The following CRISPLD1 variants were observed in gnomAD, a reference collection of about 807,000 sequenced individuals.
CRISPLD1 encodes the protein cysteine-rich secretory protein LCCL domain-containing 1.
CRISPLD1 carries 60 observed loss-of-function variants against 77.5 expected under a neutral mutation model. The observed-to-expected ratio is 0.77, with a 90% confidence interval of 0.63 to 0.96. The LOEUF (loss-of-function observed/expected upper bound fraction) is 0.96. Ranked by LOEUF, CRISPLD1 falls within the 40% of genes least tolerant of loss-of-function variation. The pLI is 0.00. For missense variants in CRISPLD1, 623 were observed against 615.8 expected (o/e 1.01, Z -0.12); for synonymous variants, 195 against 200.1 (o/e 0.97, Z 0.22).
At chr8:75,021,979 G>T (rs1384159887) in intron 12 of CRISPLD1, among the ~76,000 whole-genome samples, 1 of 152,136 alleles carries the variant, frequency 6.6e-6, no homozygotes, top group Non-Finnish European at 1.5e-5. Context: ...GCTCTCACTA[G>T]TAGATGCTCA....
chr8:75,005,817 C>CTT (rs1204387115), intron 2 of CRISPLD1, among the ~76,000 whole-genome samples: 1 of 152,156 alleles, frequency 6.6e-6, no homozygotes, highest in Non-Finnish European at 1.5e-5. Flanking sequence ...AAAGGTAAGA[C>CTT]TTTAGAGCCT....
intron 10 of CRISPLD1, 54 bp from the exon 11 acceptor site, chr8:75,019,813 ATGC>A: frequency 5.9e-6 from 8 of 1,354,766 alleles, no homozygotes; most frequent in Non-Finnish European, 7.4e-6. Flanking sequence ...ACCAGAAATG[ATGC>A]TGCTGCTGAT....
intron 2 of CRISPLD1, among the ~76,000 whole-genome samples, chr8:75,007,829 G>A (rs1018286596): frequency 6.6e-5 from 10 of 151,520 alleles, no homozygotes; most frequent in African/African-American, 2.4e-4. Flanking sequence ...ACGTGACACC[G>A]TACCAGCTAA....
At chr8:75,003,581 G>C (rs1319595132) in intron 2 of CRISPLD1, among the ~76,000 whole-genome samples, 1 of 151,796 alleles carries the variant, frequency 6.6e-6, no homozygotes. Flanking sequence ...AAATATACTG[G>C]GTTGTGAATA....
intron 2 of CRISPLD1, among the ~76,000 whole-genome samples, chr8:75,010,528 A>G (rs1013758897): frequency 6.6e-6 from 1 of 152,006 alleles, no homozygotes; most frequent in Admixed American, 6.6e-5. Context: ...TCACTTATTA[A>G]TGCTCTGTGT....
chr8:75,014,393 G>T (rs547675469), intron 5 of CRISPLD1, among the ~76,000 whole-genome samples: 26 of 152,142 alleles, frequency 1.7e-4, no homozygotes, highest in African/African-American at 6.3e-4. Context: ...ATTTATTAGA[G>T]ATTAACAGCT....
intron 5 of CRISPLD1, 77 bp downstream of exon 5, chr8:75,014,179 C>G (rs187838164): frequency 1.6e-5 from 15 of 925,954 alleles, no homozygotes; most frequent in Middle Eastern, 2.2e-4. Context: ...CCTGATTGTT[C>G]CCCATTTTCA....
At chr8:75,019,805 C>T (rs1220895967) in intron 10 of CRISPLD1, 65 bp from the exon 11 acceptor site, 8 of 1,296,580 alleles carry the variant, frequency 6.2e-6, no homozygotes, top group African/African-American at 4.4e-5. Context: ...TGAAAGATAC[C>T]AGAAATGATG....
At chr8:74,991,374 C>T (rs1042740622) in intron 2 of CRISPLD1, among the ~76,000 whole-genome samples, 4 of 152,158 alleles carry the variant, frequency 2.6e-5, no homozygotes, top group Admixed American at 2.0e-4. Context: ...CCAATCTGCG[C>T]TGGTTGCTTA....
rs1812469969 is a variant in CRISPLD1 at position 74,984,756 on chromosome 8, C to T, written c.-227C>T. 6.6e-6 allele frequency: 1 copy of T among 152,336 alleles called. No homozygotes were observed. Among genetic ancestry groups the T allele is most frequent in the Non-Finnish European group, 1.5e-5 (1 of 68,120 alleles). The allele number at this position is 152,336 out of a possible 1,614,324, so 9.4% of individuals were successfully genotyped here. ...TGAGGGAGCCGCAGAGGCGGAGGCT[C>T]GCGTATTCCTGCAGTCAGCACCCAC... On this transcript the variant is annotated 5_prime_UTR_variant, in exon 1 of 15. Coordinates refer to ENST00000262207, the MANE Select transcript of CRISPLD1 (RefSeq NM_031461.6).
rs990799077 is a variant in CRISPLD1, at chr8:75,031,369, T to G, written c.1452-822T>G. On this transcript the variant is annotated intron_variant, in intron 14 of 14. Transcript: ENST00000262207. ...GAAAATAAAACTTTATGTAAAAGCT[T>G]CAAAAGCTTACAGTTGATTTGAATA... Among the ~76,000 whole-genome samples, 3 of 152,098 alleles carry G rather than the reference T, an allele frequency of 2.0e-5. No individual in the cohort carries two copies. In the East Asian group the frequency reaches 5.8e-4, roughly 29 times the overall value.
chr8:74,994,559 T>C (rs1467178743), intron 2 of CRISPLD1, among the ~76,000 whole-genome samples: 22 of 152,194 alleles, frequency 1.4e-4, no homozygotes, highest in Admixed American at 1.0e-3. Context: ...TTCAAGAGAT[T>C]AGAGGAGGTG....
intron 2 of CRISPLD1, among the ~76,000 whole-genome samples, chr8:75,006,137 C>T (rs572034769): frequency 2.2e-4 from 33 of 152,222 alleles, no homozygotes; most frequent in African/African-American, 7.2e-4. Context: ...TGCATGTGCC[C>T]ACTGTTTAAC....
intron 12 of CRISPLD1, among the ~76,000 whole-genome samples, chr8:75,020,797 T>C (rs965103067): frequency 6.6e-6 from 1 of 152,176 alleles, no homozygotes; most frequent in Non-Finnish European, 1.5e-5. Context: ...CTGATTGCAT[T>C]TGGTAAGTTA....
intron 3 of CRISPLD1, 98 bp downstream of exon 3, chr8:75,012,649 G>A (rs1361248574): frequency 1.2e-5 from 11 of 904,476 alleles, no homozygotes; most frequent in Non-Finnish European, 1.7e-5. Flanking sequence ...CTTGGTGCCT[G>A]AAAGAAAAGT....
chr8:75,019,878 A>G lies in CRISPLD1; in HGVS notation c.1136A>G (p.Gln379Arg). The G allele has an allele frequency of 1.2e-6, 2 of 1,611,574 alleles. No individual in the cohort carries two copies. The highest frequency in any genetic ancestry group is 1.7e-6 in the Non-Finnish European group (2 of 1,178,044). Residue 379 changes from glutamine (Q) to arginine (R), a missense_variant, in exon 11 of 15, where the codon CAG becomes CGG. Gln to Arg is a conservative substitution (Grantham distance 43). Coordinates refer to ENST00000262207, the MANE Select transcript of CRISPLD1 (RefSeq NM_031461.6). ...TGTATTTTTACCTTCAGCAAATATCAGTCTGCTAATTCCTTCACAGTCTCT... is the reference window on the plus strand; with the variant it reads ...TGTATTTTTACCTTCAGCAAATATCGGTCTGCTAATTCCTTCACAGTCTCT... Reference protein sequence around the residue: ...RNGIQTIGKYQSANSFTVSKV... With the variant: ...RNGIQTIGKYRSANSFTVSKV...
chr8:75,020,079 G>A lies in CRISPLD1; in HGVS notation c.1244G>A (p.Arg415Lys). 1 of 1,613,510 alleles carries A rather than the reference G, an allele frequency of 6.2e-7. No individual in the cohort carries two copies. Among genetic ancestry groups the A allele is most frequent in the Non-Finnish European group, 8.5e-7 (1 of 1,179,478 alleles). ...PFHKPASHCP[R>K]VYCPRNCMQA... is the part of the protein sequence containing the mutation. ...CATAAGCCTGCTTCACATTGCCCAAGGTAAACCAGTGTACACATAGGGGGC... is the reference window on the plus strand; with the variant it reads ...CATAAGCCTGCTTCACATTGCCCAAAGTAAACCAGTGTACACATAGGGGGC... The change falls in exon 12 of 15, where the codon AGA (arginine) becomes AAA (lysine). Residue 415 changes from arginine (R) to lysine (K), a missense_variant and splice_region_variant. Arg to Lys is a conservative substitution (Grantham distance 26, BLOSUM62 2). Coordinates refer to ENST00000262207, the MANE Select transcript of CRISPLD1 (RefSeq NM_031461.6).
At chr8:75,010,354 G>GT (rs1812908089) in intron 2 of CRISPLD1, among the ~76,000 whole-genome samples, 1 of 151,952 alleles carries the variant, frequency 6.6e-6, no homozygotes, top group Non-Finnish European at 1.5e-5. Context: ...TCCTTTTGGC[G>GT]TATTGACATG....
At chr8:75,009,390 C>G (rs1309695663) in intron 2 of CRISPLD1, among the ~76,000 whole-genome samples, 1 of 152,022 alleles carries the variant, frequency 6.6e-6, no homozygotes, top group African/African-American at 2.4e-5. Context: ...CTCCCAGCCT[C>G]TTTCTGTTTA....
Sources: gnomAD v4.1 joint callset for allele counts (sites outside exome capture counted in the v4.1 genomes callset) on GRCh38, gnomAD v4.1.1 for gene constraint, MANE v1.5 for transcripts, NCBI Gene and HGNC (gene_info 2026-07-23, HGNC 2026-07-21) for gene names.